SHROOM3: variants seen among roughly 807,000 people sequenced by gnomAD.
SHROOM3 encodes the protein shroom family member 3, also known as protein Shroom3.
In SHROOM3, 47 loss-of-function variants were observed where a neutral mutation model predicts 138.6. That is an observed-to-expected ratio of 0.34 (90% CI 0.27 to 0.43). SHROOM3 has a LOEUF of 0.43. SHROOM3 is among the 20% of genes least tolerant of loss of function. The pLI is 1.00. For missense variants in SHROOM3, 2,491 were observed against 2,596.5 expected (o/e 0.96, Z 0.88); for synonymous variants, 1,062 against 1,063.3 (o/e 1.00, Z 0.02).
At chr4:76,645,052 A>G (rs1735782873) in intron 2 of SHROOM3, among the ~76,000 whole-genome samples, 6 of 152,262 alleles carry the variant, frequency 3.9e-5, no homozygotes, top group Admixed American at 3.9e-4. Context: ...TTAGAAAGTC[A>G]GAACTTGAAC....
Position 76,740,241 on chromosome 4 carries a change from G to C in SHROOM3, c.2068G>C (p.Gly690Arg), listed in dbSNP as rs762733380. 17 of 1,613,284 alleles carry C rather than the reference G, an allele frequency of 1.1e-5. No homozygotes were observed. Among genetic ancestry groups the C allele is most frequent in the Admixed American group, 1.0e-4 (6 of 60,026 alleles). The change falls in exon 5 of 11, where the codon GGG becomes CGG. Residue 690 changes from glycine to arginine, a missense_variant. By Grantham distance (125) the Gly-to-Arg change is moderately radical (BLOSUM62 -2). Around this residue, in one of 4 missense-constraint regions of SHROOM3, gnomAD observed 1,733 missense variants for 1,661.6 expected, o/e 1.04. Transcript: ENST00000296043. This position sits in a 1 kb window ranked among gnomAD's most constrained non-coding sequence, Gnocchi z 4.0. ...LGRGTQEGYP[G>R]GRPTCAVNTK... ...CCGGGGAACCCAGGAGGGTTACCCC[G>C]GGGGCAGGCCCACCTGTGCAGTCAA... is the stretch of plus-strand genomic sequence containing the variant.
intron 2 of SHROOM3, among the ~76,000 whole-genome samples, chr4:76,652,094 A>G (rs553841131): frequency 6.6e-6 from 1 of 152,306 alleles, no homozygotes; most frequent in South Asian, 2.1e-4. Context: ...TAAGTGTTCA[A>G]TTCAATTCCA....
intron 2 of SHROOM3, among the ~76,000 whole-genome samples, chr4:76,650,201 C>A (rs1311544260): frequency 7.2e-5 from 11 of 152,106 alleles, no homozygotes; most frequent in Admixed American, 6.5e-4. Context: ...TTGGGGAGTA[C>A]ATAAACATTT....
At chr4:76,463,608 C>T (rs1731186812) in intron 1 of SHROOM3, among the ~76,000 whole-genome samples, 1 of 152,154 alleles carries the variant, frequency 6.6e-6, no homozygotes, top group African/African-American at 2.4e-5. Flanking sequence ...TTTGAGAGAC[C>T]TTTGTATCAG....
At chr4:76,515,557 C>T (rs1478160919) in intron 1 of SHROOM3, among the ~76,000 whole-genome samples, 1 of 152,154 alleles carries the variant, frequency 6.6e-6, no homozygotes, top group Non-Finnish European at 1.5e-5. Context: ...CTAATGAGCA[C>T]ATTGACCATT....
chr4:76,496,575 G>T (rs867311126), intron 1 of SHROOM3, among the ~76,000 whole-genome samples: 16 of 152,180 alleles, frequency 1.1e-4, no homozygotes, highest in Admixed American at 2.0e-4. Context: ...AGTCAGGAGA[G>T]TTCCACCCTT....
intron 2 of SHROOM3, among the ~76,000 whole-genome samples, chr4:76,668,175 G>A (rs1021115369): frequency 2.6e-5 from 4 of 151,874 alleles, no homozygotes; most frequent in Non-Finnish European, 4.4e-5. Context: ...CCCCATGGCC[G>A]GCGAAAAGCC....
chr4:76,738,739 G>T, intron 4 of SHROOM3, 22 bp from the exon 5 acceptor site: 1 of 1,613,810 alleles, frequency 6.2e-7, no homozygotes, highest in South Asian at 1.1e-5. Flanking sequence ...CAGTGGTACT[G>T]ACTGCTTTGT....
At chr4:76,464,315 C>T (rs1731204985) in intron 1 of SHROOM3, among the ~76,000 whole-genome samples, 1 of 152,088 alleles carries the variant, frequency 6.6e-6, no homozygotes, top group African/African-American at 2.4e-5. Context: ...TTGCATGGGA[C>T]CTGTAGCTTC....
intron 2 of SHROOM3, among the ~76,000 whole-genome samples, chr4:76,597,625 A>G (rs1335724289): frequency 1.3e-5 from 2 of 152,200 alleles, no homozygotes; most frequent in Non-Finnish European, 2.9e-5. Flanking sequence ...AGTGAAGGAC[A>G]AAACGTTCAG....
At chr4:76,482,669 C>CA (rs1731642152) in intron 1 of SHROOM3, among the ~76,000 whole-genome samples, 2 of 151,958 alleles carry the variant, frequency 1.3e-5, no homozygotes, top group Non-Finnish European at 1.5e-5. Context: ...CATATGGAAC[C>CA]GAAAAAGAGC....
intron 2 of SHROOM3, among the ~76,000 whole-genome samples, chr4:76,609,282 G>A (rs1734712772): frequency 6.6e-6 from 1 of 152,022 alleles, no homozygotes; most frequent in Non-Finnish European, 1.5e-5. Context: ...ATCTGTTTTG[G>A]TATGTTTGTT....
At chr4:76,702,543 G>A (rs1357015227) in intron 2 of SHROOM3, among the ~76,000 whole-genome samples, 2 of 152,200 alleles carry the variant, frequency 1.3e-5, no homozygotes, top group Non-Finnish European at 2.9e-5. Flanking sequence ...AAGAGGTTAA[G>A]TGACCTGCTC....
chr4:76,489,871 A>G (rs530255393), intron 1 of SHROOM3, among the ~76,000 whole-genome samples: 6 of 152,328 alleles, frequency 3.9e-5, no homozygotes, highest in African/African-American at 1.4e-4. Flanking sequence ...AAAGAATTGG[A>G]CAAAACGCCC....
At chr4:76,557,133 A>G (rs1733500524) in intron 2 of SHROOM3, among the ~76,000 whole-genome samples, 2 of 152,100 alleles carry the variant, frequency 1.3e-5, no homozygotes, top group Non-Finnish European at 2.9e-5. Flanking sequence ...GGATTTAAAT[A>G]TATGTATTTA....
At chr4:76,611,927 A>T (rs186066695) in intron 2 of SHROOM3, among the ~76,000 whole-genome samples, 5 of 152,236 alleles carry the variant, frequency 3.3e-5, no homozygotes, top group African/African-American at 7.2e-5. Flanking sequence ...AGGCTGAATC[A>T]GTTCCATGTT....
chr4:76,507,605 C>T (rs539886421), intron 1 of SHROOM3, among the ~76,000 whole-genome samples: 8 of 149,128 alleles, frequency 5.4e-5, no homozygotes, highest in South Asian at 2.1e-4. Flanking sequence ...GGCGTGATCT[C>T]GGCTCACTGC....
At chr4:76,656,296 G>C (rs557484224) in intron 2 of SHROOM3, among the ~76,000 whole-genome samples, 1 of 152,232 alleles carries the variant, frequency 6.6e-6, no homozygotes, top group African/African-American at 2.4e-5. Flanking sequence ...AATTACTGCT[G>C]GGCAGTAGGT....
rs777822201 is a variant in SHROOM3 at position 76,741,103 on chromosome 4, C to T, written c.2930C>T (p.Ala977Val). 2.8e-4 allele frequency: 433 copies of T among 1,547,936 alleles called. No individual in the cohort carries two copies. The highest frequency in any genetic ancestry group is 3.5e-4 in the Non-Finnish European group (396 of 1,146,438). The change falls in exon 5 of 11, where the codon GCC becomes GTC. Residue 977 changes from alanine to valine, a missense_variant. Around this residue, in one of 4 missense-constraint regions of SHROOM3, gnomAD observed 1,733 missense variants for 1,661.6 expected, o/e 1.04. Transcript: ENST00000296043. The surrounding 1 kb of genome is among the most constrained non-coding windows in gnomAD (Gnocchi z 6.2). Reference sequence around the variant, plus strand: ...CGGAGCCCCGAGGCGTCGGCCTCCGCCTCCCCGCACACGCCCCGGGAGCGG... The same window carrying T: ...CGGAGCCCCGAGGCGTCGGCCTCCGTCTCCCCGCACACGCCCCGGGAGCGG... ...GLRSPEASASASPHTPRERHS... is the reference protein window; with the variant it reads ...GLRSPEASASVSPHTPRERHS...
Sources: gnomAD v4.1 joint callset for allele counts (sites outside exome capture counted in the v4.1 genomes callset) on GRCh38, gnomAD v4.1.1 for gene constraint, gnomAD v4.1.1 regional missense constraint, Gnocchi (gnomAD v3.1) non-coding constraint, MANE v1.5 for transcripts, NCBI Gene and HGNC (gene_info 2026-07-23, HGNC 2026-07-21) for gene names.